PKP2: variants seen among roughly 807,000 people sequenced by gnomAD.
PKP2 encodes plakophilin 2.
Under a neutral mutation model 83.4 loss-of-function variants are expected in PKP2, and 73 were observed. The ratio of observed to expected loss-of-function variants is 0.88; its 90% CI spans 0.72 to 1.06. PKP2 has a LOEUF of 1.06. Among genes scored for constraint, PKP2 ranks in the 50% least tolerant of loss-of-function variants. The pLI is 0.00. For missense variants in PKP2, 966 were observed against 1,065.4 expected (o/e 0.91, Z 1.30); for synonymous variants, 409 against 430.4 (o/e 0.95, Z 0.62).
At chr12:32,800,438 C>A (rs1282608408) in intron 10 of PKP2, among the ~76,000 whole-genome samples, 4 of 152,224 alleles carry the variant, frequency 2.6e-5, no homozygotes, top group African/African-American at 9.6e-5. Flanking sequence ...CTTTTGCTCA[C>A]AGGCCTGAAC....
At chr12:32,866,550 CAAAAAAAAAAA>C (rs56079220) in intron 4 of PKP2, among the ~76,000 whole-genome samples, 16 of 36,178 alleles carry the variant, frequency 4.4e-4, no homozygotes, top group African/African-American at 1.6e-3. Context: ...GATCCTTTCT[CAAAAAAAAAAA>C]AAAAAAAAAA....
intron 9 of PKP2, among the ~76,000 whole-genome samples, chr12:32,804,113 C>T (rs1366292873): frequency 2.0e-5 from 3 of 152,308 alleles, no homozygotes; most frequent in East Asian, 1.9e-4. Flanking sequence ...GCAGGCTTTC[C>T]GTCTCTACCA....
At chr12:32,856,607 G>A (rs1209611818) in intron 4 of PKP2, among the ~76,000 whole-genome samples, 1 of 152,134 alleles carries the variant, frequency 6.6e-6, no homozygotes, top group African/African-American at 2.4e-5. Flanking sequence ...CTGTCATGGG[G>A]AAGGGGGAAA....
At position 32,878,347 on chromosome 12, in the gene PKP2, A is replaced by G. The variant is rs756113352; in HGVS notation, c.533T>C (p.Leu178Pro). 2 of 1,612,962 alleles carry G rather than the reference A, an allele frequency of 1.2e-6. No homozygotes were observed. Among genetic ancestry groups the G allele is most frequent in the Non-Finnish European group, 1.7e-6 (2 of 1,179,930 alleles). The change falls in exon 3 of 13, where the codon CTG becomes CCG. Residue 178 changes from leucine (L) to proline (P), a missense_variant. By Grantham distance (98) the Leu-to-Pro change is moderately conservative. Transcript: ENST00000340811. ...GGCCCGCCTGCTTTCTTGGTGGTGC[A>G]GGGTGTGCCCAGCCTGGCTTCTCTG... ...YSQRSQAGHT[L>P]HHQESRRAAL...
chr12:32,845,279 C>T (rs1956634683), intron 5 of PKP2, among the ~76,000 whole-genome samples: 1 of 152,258 alleles, frequency 6.6e-6, no homozygotes, highest in African/African-American at 2.4e-5. Flanking sequence ...CGGCTGGGCG[C>T]GGTGGCTCAT....
At chr12:32,851,602 G>A (rs2137865427) in intron 4 of PKP2, among the ~76,000 whole-genome samples, 1 of 152,202 alleles carries the variant, frequency 6.6e-6, no homozygotes, top group South Asian at 2.1e-4. Context: ...CTGGGTAGCT[G>A]GGACTACAGG....
At chr12:32,847,796 A>T (rs1400671632) in intron 5 of PKP2, among the ~76,000 whole-genome samples, 1 of 152,086 alleles carries the variant, frequency 6.6e-6, no homozygotes, top group Non-Finnish European at 1.5e-5. Context: ...CTATAAAACT[A>T]GTAGATGGAG....
chr12:32,833,023 T>C (rs1353671535), intron 6 of PKP2, among the ~76,000 whole-genome samples: 3 of 152,240 alleles, frequency 2.0e-5, no homozygotes, highest in African/African-American at 7.2e-5. Flanking sequence ...GGCAGGCAGA[T>C]CATGAGGTCA....
At chr12:32,858,199 T>C (rs1956772312) in intron 4 of PKP2, among the ~76,000 whole-genome samples, 1 of 144,096 alleles carries the variant, frequency 6.9e-6, no homozygotes, top group Non-Finnish European at 1.5e-5. Flanking sequence ...TCCCAGCTAC[T>C]TGGGAGGCTC....
At chr12:32,863,951 A>G (rs1296142552) in intron 4 of PKP2, among the ~76,000 whole-genome samples, 1 of 152,250 alleles carries the variant, frequency 6.6e-6, no homozygotes, top group East Asian at 1.9e-4. Flanking sequence ...ACAAAGTGAC[A>G]GTACATCATA....
In PKP2 at chr12:32,835,532, A is replaced by C. The variant is rs1956538039; in HGVS notation, c.1556+5496T>G. Among the ~76,000 whole-genome samples, 3 of 139,894 alleles carry C rather than the reference A, an allele frequency of 2.1e-5. No homozygotes were observed. The South Asian group carries it at 7.5e-4, about 35-fold the overall frequency. 91.8% of individuals were successfully genotyped at this position (139,894 alleles called of 152,430 possible). On this transcript the variant is annotated intron_variant, in intron 6 of 12. Coordinates refer to ENST00000340811, the MANE Select transcript of PKP2 (RefSeq NM_001005242.3). ...TTTAGCAGCTTTTCTCCACTGAAGA[A>C]GAAAAAGAGGAAAAAAAGAAAAAGA...
In PKP2 at chr12:32,868,895, G is replaced by A. The variant is rs187996335; in HGVS notation, c.1170+32C>T. ...ACCATAATAGAAGTGAAAGTGTGTT[G>A]CGCTTTGCAATGGACTGAAGATGAC... is the stretch of plus-strand genomic sequence containing the variant. On this transcript the variant is annotated intron_variant, in intron 4 of 12. Coordinates refer to ENST00000340811, the MANE Select transcript of PKP2 (RefSeq NM_001005242.3). The A allele has an allele frequency of 1.0e-5, 16 of 1,606,302 alleles. No homozygotes were observed. The African/African-American group carries it at 1.9e-4, about 19-fold the overall frequency.
In PKP2 at chr12:32,861,874, G is replaced by T. The variant is rs550812029; in HGVS notation, c.1170+7053C>A. 7.9e-5 allele frequency among the ~76,000 whole-genome samples: 12 copies of T among 152,306 alleles called. No homozygotes were observed. The South Asian group carries it at 2.5e-3, about 32-fold the overall frequency. On this transcript the variant is annotated intron_variant, in intron 4 of 12. Coordinates refer to ENST00000340811, the MANE Select transcript of PKP2 (RefSeq NM_001005242.3). ...ATCTAAAACAATGCAAGTGATGCAA[G>T]TGAGAAGACAGTGGAGCAACTTTCT...
At chr12:32,884,690 T>C (rs1233755672) in intron 1 of PKP2, among the ~76,000 whole-genome samples, 3 of 152,126 alleles carry the variant, frequency 2.0e-5, no homozygotes, top group South Asian at 2.1e-4. Context: ...ATTTGAGTCA[T>C]AAAAATTTGA....
At chr12:32,873,770 T>G (rs1301064994) in intron 3 of PKP2, among the ~76,000 whole-genome samples, 1 of 152,088 alleles carries the variant, frequency 6.6e-6, no homozygotes. Context: ...CCTCAAGTGA[T>G]CCGCCCACCT....
In PKP2 at chr12:32,843,369, A is replaced by G. The variant is rs1956618245; in HGVS notation, c.1379-2164T>C. 79 of 1,332,116 alleles carry G rather than the reference A, an allele frequency of 5.9e-5. 2 individuals carry two copies. The South Asian group carries it at 9.0e-4, about 15-fold the overall frequency. 82.5% of individuals were successfully genotyped at this position (1,332,116 alleles called of 1,614,324 possible). On this transcript the variant is annotated intron_variant, in intron 5 of 12. Coordinates refer to ENST00000340811, the MANE Select transcript of PKP2 (RefSeq NM_001005242.3). The stretch of plus-strand genomic sequence containing the variant: ...TCAGGGCAGGCTCCTTTATGAACAC[A>G]GCAAATGTGGCAGACTTGGCTGAAC...
At chr12:32,827,067 C>T (rs912889415) in intron 6 of PKP2, among the ~76,000 whole-genome samples, 5 of 152,354 alleles carry the variant, frequency 3.3e-5, no homozygotes, top group South Asian at 4.1e-4. Context: ...TTTAAAATTG[C>T]TTTGACAAAT....
At chr12:32,864,564 T>C (rs759759080) in intron 4 of PKP2, among the ~76,000 whole-genome samples, 1 of 152,122 alleles carries the variant, frequency 6.6e-6, no homozygotes, top group Admixed American at 6.5e-5. Flanking sequence ...ACCATGGTCA[T>C]GGGTCACAAG....
At chr12:32,887,756 T>C (rs1219746168) in intron 1 of PKP2, among the ~76,000 whole-genome samples, 1 of 152,244 alleles carries the variant, frequency 6.6e-6, no homozygotes, top group African/African-American at 2.4e-5. Context: ...GGCCCTTTTA[T>C]ATCACAGGTG....
Sources: allele counts gnomAD v4.1 joint callset (sites outside exome capture counted in the v4.1 genomes callset), GRCh38; gene constraint gnomAD v4.1.1; transcripts MANE v1.5; gene names NCBI Gene and HGNC (gene_info 2026-07-23, HGNC 2026-07-21).